LRP1B: variants seen among roughly 807,000 people sequenced by gnomAD.
LRP1B encodes low-density lipoprotein receptor-related protein 1B.
Under a neutral mutation model 556.6 loss-of-function variants are expected in LRP1B, and 217 were observed. The ratio of observed to expected loss-of-function variants is 0.39; its 90% CI spans 0.35 to 0.44. The LOEUF (loss-of-function observed/expected upper bound fraction) is 0.44, where lower values mean the gene tolerates loss of function less well. Among genes scored for constraint, LRP1B ranks in the 20% least tolerant of loss-of-function variants. LRP1B has a pLI of 1.00. For missense variants in LRP1B, 5,053 were observed against 5,620.8 expected, an observed-to-expected ratio of 0.90 and a Z score of 3.23; for synonymous variants, 2,047 against 1,865.8, an observed-to-expected ratio of 1.10 and a Z score of -2.50.
rs1706521141 is a variant in LRP1B, at chr2:142,100,155, T to C, written c.82+30493A>G. Among the ~76,000 whole-genome samples the C allele has an allele frequency of 2.0e-5, 3 of 151,988 alleles. No individual in the cohort carries two copies. In the South Asian group the frequency reaches 6.2e-4, roughly 31 times the overall value. ...CTAAATTTAAGGATACTTGGTTTTGTATTACCCATCTAAAATTAGATCTAC... is the reference window on the plus strand; with the variant it reads ...CTAAATTTAAGGATACTTGGTTTTGCATTACCCATCTAAAATTAGATCTAC... On this transcript the variant is annotated intron_variant, in intron 1 of 90. Transcript: ENST00000389484.
chr2:141,007,217 G>T (rs1697600890), intron 14 of LRP1B, among the ~76,000 whole-genome samples: 1 of 151,750 alleles, frequency 6.6e-6, no homozygotes, highest in Non-Finnish European at 1.5e-5. Flanking sequence ...TCAGAGGTTG[G>T]ATGTGCTATA....
intron 2 of LRP1B, among the ~76,000 whole-genome samples, chr2:141,761,866 G>C (rs762888625): frequency 2.6e-5 from 4 of 152,232 alleles, no homozygotes; most frequent in Admixed American, 1.3e-4. Context: ...GTCTAGTATT[G>C]CTATGTTTTC....
At chr2:141,282,215 C>T (rs180883446) in intron 3 of LRP1B, among the ~76,000 whole-genome samples, 61 of 151,842 alleles carry the variant, frequency 4.0e-4, no homozygotes, top group Middle Eastern at 3.4e-3. Context: ...ATATAAAGCA[C>T]GTAATATAAT....
At chr2:140,635,342 G>A (rs1040420760) in intron 41 of LRP1B, among the ~76,000 whole-genome samples, 2 of 151,918 alleles carry the variant, frequency 1.3e-5, no homozygotes, top group Non-Finnish European at 2.9e-5. Flanking sequence ...GATAATATGT[G>A]AATCCTGTAG....
chr2:142,078,424 C>A (rs946380387), intron 1 of LRP1B, among the ~76,000 whole-genome samples: 15 of 152,064 alleles, frequency 9.9e-5, no homozygotes, highest in African/African-American at 3.6e-4. Context: ...AATAATTTTT[C>A]TTTTCATTGA....
chr2:141,189,604 T>C (rs1196310494), intron 6 of LRP1B, among the ~76,000 whole-genome samples: 1 of 151,964 alleles, frequency 6.6e-6, no homozygotes, highest in Non-Finnish European at 1.5e-5. Context: ...ATAAACTCTC[T>C]ACTTAGATTA....
chr2:140,478,028 T>C (rs1688043508), intron 59 of LRP1B, among the ~76,000 whole-genome samples: 1 of 152,166 alleles, frequency 6.6e-6, no homozygotes, highest in South Asian at 2.1e-4. Context: ...TGAAAAACTG[T>C]TGTGCTTACA....
chr2:140,839,662 A>G (rs895804228), intron 31 of LRP1B, among the ~76,000 whole-genome samples: 14 of 152,064 alleles, frequency 9.2e-5, no homozygotes, highest in African/African-American at 2.4e-4. Flanking sequence ...CGGCTTTCCT[A>G]CTTTTGAGGT....
intron 11 of LRP1B, among the ~76,000 whole-genome samples, chr2:141,037,166 A>G (rs1006224691): frequency 1.3e-5 from 2 of 152,026 alleles, no homozygotes; most frequent in African/African-American, 4.8e-5. Context: ...GGATGAAAAG[A>G]CATATTCCAG....
rs139134258 is a variant in LRP1B, at chr2:140,630,394, T to C, written c.6800-28755A>G. ...AAAACTGAAAATCAACAATCTTTCT[T>C]GGACCAATCAGTAAATCGATGTCAT... is the stretch of plus-strand genomic sequence containing the variant. On this transcript the variant is annotated intron_variant, in intron 41 of 90. Coordinates refer to ENST00000389484, the MANE Select transcript of LRP1B (RefSeq NM_018557.3). Among the ~76,000 whole-genome samples the C allele has an allele frequency of 1.6e-4, 25 of 152,314 alleles. 1 individual carries two copies. The East Asian group carries it at 4.8e-3, about 29-fold the overall frequency.
At chr2:140,963,635 CT>C (rs1237313379) in intron 18 of LRP1B, among the ~76,000 whole-genome samples, 1 of 151,978 alleles carries the variant, frequency 6.6e-6, no homozygotes, top group Non-Finnish European at 1.5e-5. Context: ...AAATAATCTG[CT>C]GAATTACTTG....
At chr2:140,254,269 A>G (rs1681577491) in intron 86 of LRP1B, among the ~76,000 whole-genome samples, 1 of 152,202 alleles carries the variant, frequency 6.6e-6, no homozygotes, top group Non-Finnish European at 1.5e-5. Flanking sequence ...AATTTAGGGC[A>G]ATAGTAGCAT....
chr2:141,640,730 G>T (rs1396947252), intron 2 of LRP1B, among the ~76,000 whole-genome samples: 1 of 152,082 alleles, frequency 6.6e-6, no homozygotes, highest in Non-Finnish European at 1.5e-5. Flanking sequence ...GGAGGTGGAG[G>T]TTGCAGTGAG....
intron 21 of LRP1B, among the ~76,000 whole-genome samples, chr2:140,915,814 G>A (rs934217274): frequency 1.3e-5 from 2 of 152,080 alleles, no homozygotes; most frequent in African/African-American, 4.8e-5. Flanking sequence ...AGCTCACGAG[G>A]TCAGGAGATC....
intron 7 of LRP1B, among the ~76,000 whole-genome samples, chr2:141,141,347 T>A (rs1701647815): frequency 6.6e-6 from 1 of 152,202 alleles, no homozygotes; most frequent in African/African-American, 2.4e-5. Context: ...TTTATTTTGA[T>A]TGTCCTAAAA....
At chr2:141,423,795 G>A (rs1438297062) in intron 3 of LRP1B, among the ~76,000 whole-genome samples, 3 of 147,014 alleles carry the variant, frequency 2.0e-5, no homozygotes, top group African/African-American at 7.5e-5. Flanking sequence ...ATATACTACT[G>A]TTTTCATTAT....
intron 3 of LRP1B, among the ~76,000 whole-genome samples, chr2:141,282,184 G>C (rs1685533600): frequency 6.6e-6 from 1 of 151,914 alleles, no homozygotes; most frequent in Admixed American, 6.6e-5. Context: ...GGATTACAGG[G>C]GAGACTAAAG....
chr2:141,274,190 C>T (rs1174871701), intron 3 of LRP1B, among the ~76,000 whole-genome samples: 2 of 152,112 alleles, frequency 1.3e-5, no homozygotes, highest in African/African-American at 4.8e-5. Context: ...CACTGTATGT[C>T]CCAACAATTC....
chr2:141,604,588 T>C (rs954166017), intron 2 of LRP1B, among the ~76,000 whole-genome samples: 1 of 152,182 alleles, frequency 6.6e-6, no homozygotes, highest in Non-Finnish European at 1.5e-5. Flanking sequence ...AACCTTCACC[T>C]ATTTTACAAA....
Sources: allele counts gnomAD v4.1 joint callset (sites outside exome capture counted in the v4.1 genomes callset), GRCh38; gene constraint gnomAD v4.1.1; transcripts MANE v1.5; gene names NCBI Gene and HGNC (gene_info 2026-07-23, HGNC 2026-07-21).